MEI4: variants seen among roughly 807,000 people sequenced by gnomAD.
MEI4 encodes meiosis-specific protein MEI4.
A neutral mutation model predicts 31.4 loss-of-function variants in MEI4; 27 were observed. That is an observed-to-expected ratio of 0.86 (90% CI 0.63 to 1.19). The LOEUF is 1.19. Among genes scored for constraint, MEI4 ranks in the 50% most tolerant of loss-of-function variants. MEI4 has a pLI of 0.00. For missense variants in MEI4, 329 were observed against 398.9 expected, an observed-to-expected ratio of 0.82 and a Z score of 1.49; for synonymous variants, 122 against 145.4, an observed-to-expected ratio of 0.84 and a Z score of 1.16.
At chr6:77,666,892 C>CGTGT (rs1768648634) in intron 1 of MEI4, among the ~76,000 whole-genome samples, 1 of 150,670 alleles carries the variant, frequency 6.6e-6, no homozygotes, top group Admixed American at 6.6e-5. Context: ...TGCGTGCGTG[C>CGTGT]GTGCGTGCAT....
intron 1 of MEI4, among the ~76,000 whole-genome samples, chr6:77,658,396 C>A (rs914137306): frequency 6.6e-6 from 1 of 152,078 alleles, no homozygotes; most frequent in African/African-American, 2.4e-5. Flanking sequence ...TTACTTTAGG[C>A]CATCTGGATG....
intron 4 of MEI4, among the ~76,000 whole-genome samples, chr6:77,902,096 G>A (rs143985342): frequency 6.6e-6 from 1 of 152,012 alleles, no homozygotes; most frequent in Non-Finnish European, 1.5e-5. Flanking sequence ...ATACTGTTTT[G>A]ATTATTATAG....
intron 2 of MEI4, among the ~76,000 whole-genome samples, chr6:77,697,153 C>T (rs1455034290): frequency 1.3e-5 from 2 of 152,116 alleles, no homozygotes; most frequent in African/African-American, 4.8e-5. Context: ...TGATTCTTCT[C>T]TCTTTTCTTC....
intron 2 of MEI4, among the ~76,000 whole-genome samples, chr6:77,743,126 A>T (rs1767466134): frequency 6.6e-6 from 1 of 152,130 alleles, no homozygotes; most frequent in African/African-American, 2.4e-5. Flanking sequence ...TTCCATATGA[A>T]CTTGAAAGTA....
intron 4 of MEI4, among the ~76,000 whole-genome samples, chr6:77,917,026 T>A (rs1293808713): frequency 6.7e-6 from 1 of 149,860 alleles, no homozygotes; most frequent in African/African-American, 2.5e-5. Flanking sequence ...CGGTGTTTGG[T>A]TTTTTGTTCT....
At chr6:77,666,123 A>G (rs545611690) in intron 1 of MEI4, among the ~76,000 whole-genome samples, 5 of 152,270 alleles carry the variant, frequency 3.3e-5, no homozygotes, top group South Asian at 2.1e-4. Flanking sequence ...GTGGATTATC[A>G]TTAGTTCTTA....
intron 3 of MEI4, among the ~76,000 whole-genome samples, chr6:77,802,136 T>C (rs530950111): frequency 2.0e-5 from 3 of 152,316 alleles, no homozygotes; most frequent in Admixed American, 2.0e-4. Flanking sequence ...AGGATGTGCT[T>C]TATGAATCTG....
chr6:77,831,988 A>G (rs1212171409), intron 4 of MEI4, among the ~76,000 whole-genome samples: 1 of 152,036 alleles, frequency 6.6e-6, no homozygotes, highest in Non-Finnish European at 1.5e-5. Flanking sequence ...CCCTGATTTG[A>G]TAATTACGCA....
chr6:77,754,028 C>G (rs754226393), intron 2 of MEI4, among the ~76,000 whole-genome samples: 18 of 151,988 alleles, frequency 1.2e-4, no homozygotes, highest in African/African-American at 1.7e-4. Flanking sequence ...GCATGTCTCA[C>G]TCATAAGTGG....
At chr6:77,763,916 C>T (rs545301159) in intron 3 of MEI4, among the ~76,000 whole-genome samples, 1 of 152,110 alleles carries the variant, frequency 6.6e-6, no homozygotes, top group Non-Finnish European at 1.5e-5. Context: ...TGGGTTCAGG[C>T]GATTCTCCTG....
chr6:77,855,030 G>C (rs1330074371), intron 4 of MEI4, among the ~76,000 whole-genome samples: 1 of 152,044 alleles, frequency 6.6e-6, no homozygotes, highest in African/African-American at 2.4e-5. Flanking sequence ...AATTGTGCTA[G>C]ATACTTAAGA....
At chr6:77,685,047 A>C (rs1175575965) in intron 1 of MEI4, among the ~76,000 whole-genome samples, 1 of 152,068 alleles carries the variant, frequency 6.6e-6, no homozygotes, top group Non-Finnish European at 1.5e-5. Context: ...AGCCCTTTTA[A>C]CTGGGATGAG....
chr6:77,872,704 A>C, intron 4 of MEI4, among the ~76,000 whole-genome samples: 2 of 142,834 alleles, frequency 1.4e-5, no homozygotes, highest in East Asian at 2.2e-4. Flanking sequence ...AGCATTAGGT[A>C]TATCTCCTAA....
intron 4 of MEI4, among the ~76,000 whole-genome samples, chr6:77,897,901 C>T (rs1318420339): frequency 6.6e-6 from 1 of 151,946 alleles, no homozygotes; most frequent in Non-Finnish European, 1.5e-5. Context: ...GAGCTTTATA[C>T]TCCCTCAGTA....
chr6:77,901,497 CTGTT>C (rs1766188255), intron 4 of MEI4, among the ~76,000 whole-genome samples: 1 of 151,968 alleles, frequency 6.6e-6, no homozygotes, highest in African/African-American at 2.4e-5. Context: ...TACCTATTGG[CTGTT>C]TGTATGTCTT....
At chr6:77,794,420 G>T (rs541846260) in intron 3 of MEI4, among the ~76,000 whole-genome samples, 1 of 152,104 alleles carries the variant, frequency 6.6e-6, no homozygotes, top group East Asian at 1.9e-4. Flanking sequence ...AATATTAGCC[G>T]GGTGTGGTGG....
intron 4 of MEI4, among the ~76,000 whole-genome samples, chr6:77,878,861 C>T (rs1306106997): frequency 6.6e-6 from 1 of 152,044 alleles, no homozygotes; most frequent in South Asian, 2.1e-4. Flanking sequence ...AAAATTTAAT[C>T]TGTAATCCAG....
intron 4 of MEI4, among the ~76,000 whole-genome samples, chr6:77,866,217 A>G (rs567940399): frequency 6.6e-6 from 1 of 152,088 alleles, no homozygotes; most frequent in African/African-American, 2.4e-5. Flanking sequence ...ATAGTGTTGG[A>G]AGTTCTGGCC....
At chr6:77,698,784 T>C (rs4588652) in intron 2 of MEI4, among the ~76,000 whole-genome samples, 114,333 of 151,966 alleles carry the variant, frequency 0.75, 43,243 homozygotes, top group East Asian at 0.86. Flanking sequence ...TTGTGACATT[T>C]TCTGTATTTC....
Sources: allele counts gnomAD v4.1 joint callset (sites outside exome capture counted in the v4.1 genomes callset), GRCh38; gene constraint gnomAD v4.1.1; transcripts MANE v1.5; gene names NCBI Gene and HGNC (gene_info 2026-07-23, HGNC 2026-07-21).